Variants in CDC42BPA observed in about 807,000 individuals in gnomAD.
CDC42BPA encodes the protein CDC42 binding protein kinase alpha.
Under a neutral mutation model 223.5 loss-of-function variants are expected in CDC42BPA, and 80 were observed. That is an observed-to-expected ratio of 0.36 (90% CI 0.30 to 0.43). CDC42BPA has a LOEUF of 0.43. Ranked by LOEUF, CDC42BPA falls within the 20% of genes least tolerant of loss-of-function variation. The pLI is 1.00. For missense variants in CDC42BPA, 1,743 were observed against 2,099.9 expected (o/e 0.83, Z 3.32); for synonymous variants, 694 against 718.6 (o/e 0.97, Z 0.55).
At chr1:227,010,966 T>A in intron 34 of CDC42BPA, 1 of 1,364,068 alleles carries the variant, frequency 7.3e-7, no homozygotes, top group Non-Finnish European at 9.8e-7. Context: ...GAGAAATTTT[T>A]CAGCAGAATT....
chr1:227,020,687 C>T (rs541341615), intron 32 of CDC42BPA, among the ~76,000 whole-genome samples: 1 of 152,328 alleles, frequency 6.6e-6, no homozygotes, highest in East Asian at 1.9e-4. Flanking sequence ...TTCTTTGTAA[C>T]AGCAATAAGG....
intron 10 of CDC42BPA, among the ~76,000 whole-genome samples, chr1:227,138,500 C>G (rs1181447054): frequency 3.8e-5 from 2 of 52,514 alleles, no homozygotes; most frequent in African/African-American, 7.6e-5. Flanking sequence ...AAAAGAAAAC[C>G]AGGAGATAAA....
chr1:227,161,485 G>C (rs1663882564), intron 5 of CDC42BPA, among the ~76,000 whole-genome samples: 1 of 152,134 alleles, frequency 6.6e-6, no homozygotes, highest in South Asian at 2.1e-4. Flanking sequence ...ACAGGAATAT[G>C]GGAGGGCTAC....
chr1:227,003,376 G>T (rs1006176887), intron 35 of CDC42BPA, among the ~76,000 whole-genome samples: 15 of 152,120 alleles, frequency 9.9e-5, no homozygotes, highest in African/African-American at 3.6e-4. Context: ...CACTCTCTCT[G>T]ATCTCCAAGC....
chr1:227,043,705 C>G (rs1238815931), intron 23 of CDC42BPA, among the ~76,000 whole-genome samples: 1 of 152,058 alleles, frequency 6.6e-6, no homozygotes, highest in African/African-American at 2.4e-5. Flanking sequence ...ATTAGATAGT[C>G]TGAGTATGTG....
chr1:227,038,422 A>G (rs778906876), intron 24 of CDC42BPA, among the ~76,000 whole-genome samples: 3 of 152,224 alleles, frequency 2.0e-5, no homozygotes, highest in Non-Finnish European at 4.4e-5. Context: ...TTACAAATGG[A>G]TAACTCATTT....
intron 35 of CDC42BPA, among the ~76,000 whole-genome samples, chr1:226,996,609 A>T (rs1461250583): frequency 6.6e-6 from 1 of 152,178 alleles, no homozygotes; most frequent in Non-Finnish European, 1.5e-5. Context: ...GGTTTGTCAT[A>T]AATAGCTATT....
intron 33 of CDC42BPA, 58 bp from the exon 34 acceptor site, chr1:227,016,255 G>A: frequency 1.1e-6 from 1 of 899,592 alleles, no homozygotes; most frequent in Non-Finnish European, 1.8e-6. Context: ...TGTAGCTTAT[G>A]AAAAAAATTA....
chr1:227,297,935 G>A (rs983285231), intron 1 of CDC42BPA, among the ~76,000 whole-genome samples: 1 of 117,002 alleles, frequency 8.5e-6, no homozygotes, highest in Non-Finnish European at 1.7e-5. Context: ...GGCAAATTTT[G>A]TTTTATGTGT....
At chr1:227,005,233 T>G in intron 34 of CDC42BPA, 122 bp from the exon 35 acceptor site, 1 of 703,134 alleles carries the variant, frequency 1.4e-6, no homozygotes, top group Non-Finnish European at 2.5e-6. Context: ...TGACACAGAG[T>G]AAGGAATGGC....
At chr1:227,163,164 G>A (rs906251343) in intron 5 of CDC42BPA, among the ~76,000 whole-genome samples, 3 of 148,588 alleles carry the variant, frequency 2.0e-5, no homozygotes, top group Admixed American at 2.0e-4. Context: ...ATATATGTGT[G>A]TATATGTTTC....
At chr1:227,040,387 G>T in intron 23 of CDC42BPA, 151 bp from the exon 24 acceptor site, 1 of 585,326 alleles carries the variant, frequency 1.7e-6, no homozygotes, top group Non-Finnish European at 3.0e-6. Context: ...TATAGTTTAT[G>T]GTCTTTAAAC....
intron 24 of CDC42BPA, among the ~76,000 whole-genome samples, chr1:227,039,719 A>C (rs939382549): frequency 6.6e-6 from 1 of 152,158 alleles, no homozygotes; most frequent in African/African-American, 2.4e-5. Flanking sequence ...GGGGAAAAAA[A>C]AAAACCTCTG....
intron 3 of CDC42BPA, among the ~76,000 whole-genome samples, chr1:227,201,121 T>C (rs1213990814): frequency 7.1e-6 from 1 of 141,638 alleles, no homozygotes; most frequent in Non-Finnish European, 1.5e-5. Flanking sequence ...ACCTTAGAAA[T>C]ATATGAACAA....
chr1:227,041,140 C>CAA (rs61216705), intron 23 of CDC42BPA, among the ~76,000 whole-genome samples: 49 of 150,766 alleles, frequency 3.3e-4, no homozygotes, highest in African/African-American at 8.0e-4. Context: ...ACTAAGTACT[C>CAA]AAAAAAAAAT....
chr1:227,235,392 T>C (rs1434633932), intron 2 of CDC42BPA: 1 of 152,164 alleles, frequency 6.6e-6, no homozygotes, highest in East Asian at 1.9e-4. Flanking sequence ...CCTGCAAAAG[T>C]TTTTTCTTAA....
intron 1 of CDC42BPA, among the ~76,000 whole-genome samples, chr1:227,294,888 A>AAAAAG (rs1690385914): frequency 1.4e-5 from 2 of 142,064 alleles, no homozygotes; most frequent in Non-Finnish European, 1.5e-5. Context: ...AAAAAAAAAG[A>AAAAAG]GGTTAATTAA....
intron 2 of CDC42BPA, 93 bp from the exon 3 acceptor site, chr1:227,213,312 A>G (rs942660594): frequency 1.6e-6 from 1 of 616,074 alleles, no homozygotes; most frequent in Admixed American, 3.1e-5. Flanking sequence ...AAAAATAAAT[A>G]CCAATTATCA....
At chr1:227,243,654 A>G (rs1680381797) in intron 2 of CDC42BPA, among the ~76,000 whole-genome samples, 1 of 152,138 alleles carries the variant, frequency 6.6e-6, no homozygotes, top group Non-Finnish European at 1.5e-5. Flanking sequence ...ATCACTAATT[A>G]TAAGTAAAAG....
Sources: gnomAD v4.1 joint callset for allele counts (sites outside exome capture counted in the v4.1 genomes callset) on GRCh38, gnomAD v4.1.1 for gene constraint, MANE v1.5 for transcripts, NCBI Gene and HGNC (gene_info 2026-07-23, HGNC 2026-07-21) for gene names.